Variants in TMEM182 observed in about 807,000 individuals in gnomAD.
TMEM182 encodes the protein transmembrane protein 182.
Under a neutral mutation model 26.8 loss-of-function variants are expected in TMEM182, and 20 were observed. That is an observed-to-expected ratio of 0.75 (90% CI 0.53 to 1.09). TMEM182 has a LOEUF of 1.09. TMEM182 is among the 50% of genes least tolerant of loss of function. The pLI, the probability that TMEM182 is intolerant of heterozygous loss-of-function variation, is 0.00. For synonymous variants in TMEM182, 109 were observed against 102.2 expected, an observed-to-expected ratio of 1.07 and a Z score of -0.40; for missense variants, 277 against 275.5, an observed-to-expected ratio of 1.01 and a Z score of -0.04.
Position 102,828,668 on chromosome 2 carries a change from A to G in TMEM182, c.326-14744A>G, listed in dbSNP as rs76617776. ...TTCTGGGGCCCTGGGCTTTTCTCCT[A>G]ACTTTTCTAGCTGAACCTTCTCTGA... is the stretch of plus-strand genomic sequence containing the variant. On this transcript the variant is annotated intron_variant, in intron 3 of 3. Coordinates refer to the TMEM182 transcript ENST00000486293. Among the ~76,000 whole-genome samples, 284 of 152,260 alleles carry G rather than the reference A, an allele frequency of 1.9e-3. 1 individual carries two copies. Among genetic ancestry groups the G allele is most frequent in the African/African-American group, 6.4e-3 (267 of 41,552 alleles).
intron 4 of TMEM182, among the ~76,000 whole-genome samples, chr2:102,806,202 G>A (rs999192912): frequency 6.6e-6 from 1 of 151,574 alleles, no homozygotes; most frequent in Non-Finnish European, 1.5e-5. Flanking sequence ...TGAGCCATTT[G>A]TTTTCTTTAC....
chr2:102,843,643 C>T (rs1157014618), exon 4 of TMEM182: 2 of 152,188 alleles, frequency 1.3e-5, no homozygotes, highest in African/African-American at 2.4e-5. Context: ...AAGCACAGAC[C>T]AAGGCTTACA....
chr2:102,762,390 T>C (rs1226079477), intron 1 of TMEM182, 41 bp downstream of exon 1: 1 of 1,612,512 alleles, frequency 6.2e-7, no homozygotes, highest in Non-Finnish European at 8.5e-7. Context: ...ATGGTAGTTA[T>C]GAAGATACCC....
chr2:102,761,857 C>T (rs925707488), upstream of TMEM182: 1 of 209,022 alleles, frequency 4.8e-6, no homozygotes, highest in Non-Finnish European at 9.6e-6. Context: ...GATTACCCAA[C>T]AGCAATAATG....
At chr2:102,780,667 A>C (rs911089804) in intron 3 of TMEM182, among the ~76,000 whole-genome samples, 1 of 152,160 alleles carries the variant, frequency 6.6e-6, no homozygotes, top group Non-Finnish European at 1.5e-5. Context: ...CAGGGATGAA[A>C]GTCCAGGCTC....
chr2:102,796,877 A>T (rs1681890434), intron 3 of TMEM182, among the ~76,000 whole-genome samples: 1 of 152,144 alleles, frequency 6.6e-6, no homozygotes, highest in Non-Finnish European at 1.5e-5. Context: ...AGGCTTCTTG[A>T]GAAAAAAAAA....
intron 4 of TMEM182, among the ~76,000 whole-genome samples, chr2:102,810,809 T>C (rs1021386271): frequency 1.3e-5 from 2 of 152,186 alleles, no homozygotes; most frequent in African/African-American, 4.8e-5. Flanking sequence ...TTAAATGTAA[T>C]TTTATTTTAA....
At chr2:102,823,875 T>C (rs1416624949) in intron 3 of TMEM182, among the ~76,000 whole-genome samples, 1 of 152,216 alleles carries the variant, frequency 6.6e-6, no homozygotes. Context: ...ATACTCAGCT[T>C]TCTGTCTAGG....
At chr2:102,809,146 A>T (rs998567644) in intron 4 of TMEM182, among the ~76,000 whole-genome samples, 1 of 152,194 alleles carries the variant, frequency 6.6e-6, no homozygotes, top group Non-Finnish European at 1.5e-5. Context: ...GTTTAATATC[A>T]TATCTTCAAA....
intron 3 of TMEM182, among the ~76,000 whole-genome samples, chr2:102,831,754 C>CT (rs1683154637): frequency 6.7e-6 from 1 of 149,978 alleles, no homozygotes; most frequent in African/African-American, 2.5e-5. Context: ...TAGACTCTGT[C>CT]TAAAAAAAAA....
At position 102,815,378 on chromosome 2, in the gene TMEM182, G is replaced by A. The variant is rs1334636711; in HGVS notation, c.*410G>A. The A allele has an allele frequency of 2.0e-6, 2 of 996,696 alleles. No individual in the cohort carries two copies. Among genetic ancestry groups the A allele is most frequent in the Non-Finnish European group, 2.4e-6 (2 of 837,668 alleles). The allele number at this position is 996,696 out of a possible 1,614,324, so 61.7% of individuals were successfully genotyped here. A position where few individuals can be genotyped will look rare whatever the true frequency, so the allele number is the denominator to read the frequency against. ...TGAAGAATAATTAAGAATGGGCAAGGTTGTCAGAGAATTTATTTTGTTTCT... is the reference window on the plus strand; with the variant it reads ...TGAAGAATAATTAAGAATGGGCAAGATTGTCAGAGAATTTATTTTGTTTCT... On this transcript the variant is annotated 3_prime_UTR_variant, in exon 5 of 5. Transcript: ENST00000412401.
At chr2:102,827,787 G>C (rs144686931) in intron 3 of TMEM182, among the ~76,000 whole-genome samples, 1 of 152,200 alleles carries the variant, frequency 6.6e-6, no homozygotes, top group East Asian at 1.9e-4. Flanking sequence ...CAAAGATTTG[G>C]CTAATACGTA....
At chr2:102,819,043 T>C (rs1352046313), downstream of TMEM182, among the ~76,000 whole-genome samples, 1 of 152,218 alleles carries the variant, frequency 6.6e-6, no homozygotes, top group Non-Finnish European at 1.5e-5. Context: ...TAAGTGCACA[T>C]GCAGCAAAGA....
chr2:102,774,779 A>G (rs1344751081), intron 3 of TMEM182, among the ~76,000 whole-genome samples: 2 of 152,114 alleles, frequency 1.3e-5, no homozygotes, highest in Non-Finnish European at 2.9e-5. Flanking sequence ...GTATGGGACT[A>G]ATTTTTAGAT....
intron 4 of TMEM182, among the ~76,000 whole-genome samples, chr2:102,813,265 G>A (rs2104755905): frequency 6.6e-6 from 1 of 152,214 alleles, no homozygotes; most frequent in African/African-American, 2.4e-5. Flanking sequence ...GAAATTGATG[G>A]CCCAGGAGAG....
chr2:102,805,623 G>A (rs892412652), intron 4 of TMEM182, among the ~76,000 whole-genome samples: 2 of 151,518 alleles, frequency 1.3e-5, no homozygotes, highest in African/African-American at 4.9e-5. Context: ...AAAAAAAAAT[G>A]TGCTGTTCTT....
chr2:102,766,806 C>A (rs907636499), intron 3 of TMEM182, among the ~76,000 whole-genome samples: 4 of 152,148 alleles, frequency 2.6e-5, no homozygotes, highest in African/African-American at 9.7e-5. Context: ...TGTGGCCTGG[C>A]AAATTGTTGG....
chr2:102,749,692 A>G (rs1357609204), intron 1 of TMEM182, among the ~76,000 whole-genome samples: 1 of 152,214 alleles, frequency 6.6e-6, no homozygotes, highest in Non-Finnish European at 1.5e-5. Context: ...AAGAGCATTT[A>G]TAATATATAT....
chr2:102,780,757 G>A (rs1245312726), intron 3 of TMEM182, among the ~76,000 whole-genome samples: 1 of 152,150 alleles, frequency 6.6e-6, no homozygotes, highest in East Asian at 1.9e-4. Context: ...ACAAACTGTG[G>A]AGGAGAAAGT....
Sources: gnomAD v4.1 joint callset for allele counts (sites outside exome capture counted in the v4.1 genomes callset) on GRCh38, gnomAD v4.1.1 for gene constraint, MANE v1.5 for transcripts, NCBI Gene and HGNC (gene_info 2026-07-23, HGNC 2026-07-21) for gene names.